Variants in PARD3B observed in about 807,000 individuals in gnomAD.
The protein encoded by PARD3B is partitioning defective 3 homolog B.
Under a neutral mutation model 130.2 loss-of-function variants are expected in PARD3B, and 103 were observed. That is an observed-to-expected ratio of 0.79 (90% CI 0.67 to 0.93). PARD3B has a LOEUF of 0.93. PARD3B is among the 40% of genes least tolerant of loss of function. PARD3B has a pLI of 0.00. For missense variants in PARD3B, 1,609 were observed against 1,499.2 expected (o/e 1.07, Z -1.21); for synonymous variants, 583 against 553.2 (o/e 1.05, Z -0.76).
Position 204,610,291 on chromosome 2 carries a change from T to A in PARD3B, c.120+64172T>A, listed in dbSNP as rs2033874750. ...ACTAAACAATTATTAAATCTGTTCT[T>A]CTTAATGTAATATGGCAAATATTTA... On this transcript the variant is annotated intron_variant, in intron 1 of 22. Coordinates refer to ENST00000406610, the MANE Select transcript of PARD3B (RefSeq NM_001302769.2). The surrounding 1 kb of genome is among the most constrained non-coding windows in gnomAD (Gnocchi z 4.1). Among the ~76,000 whole-genome samples, 1 of 152,326 alleles carries A rather than the reference T, an allele frequency of 6.6e-6. No individual in the cohort carries two copies. The highest frequency in any genetic ancestry group is 1.5e-5 in the Non-Finnish European group (1 of 68,026).
intron 3 of PARD3B, among the ~76,000 whole-genome samples, chr2:205,031,188 T>C (rs1278874198): frequency 2.0e-5 from 3 of 152,200 alleles, no homozygotes; most frequent in African/African-American, 7.2e-5. Context: ...CTGGCATATC[T>C]GAGAATTCAA....
intron 20 of PARD3B, among the ~76,000 whole-genome samples, chr2:205,468,126 T>G (rs1441937627): frequency 6.6e-6 from 1 of 152,188 alleles, no homozygotes; most frequent in Non-Finnish European, 1.5e-5. Context: ...TAGCTTAGCT[T>G]ACAAGGCTTC....
chr2:204,981,873 G>T (rs1249174077), intron 3 of PARD3B, among the ~76,000 whole-genome samples: 1 of 152,036 alleles, frequency 6.6e-6, no homozygotes, highest in Non-Finnish European at 1.5e-5. Context: ...GTGCAGATTG[G>T]TTAGAGGAGA....
At position 205,183,905 on chromosome 2, in the gene PARD3B, C is replaced by G. The variant is rs1335784061; in HGVS notation, c.1925-1859C>G. 1.3e-5 allele frequency among the ~76,000 whole-genome samples: 2 copies of G among 152,048 alleles called. No homozygotes were observed. Among genetic ancestry groups the G allele is most frequent in the African/African-American group, 4.8e-5 (2 of 41,392 alleles). On this transcript the variant is annotated intron_variant, in intron 13 of 22. Coordinates refer to ENST00000406610, the MANE Select transcript of PARD3B (RefSeq NM_001302769.2). This position sits in a 1 kb window ranked among gnomAD's most constrained non-coding sequence, Gnocchi z 5.2. The stretch of plus-strand genomic sequence containing the variant: ...CAGATTGAGTCTGAAGGCCGGAGAA[C>G]CAGAAAAGCTGGTGGCGTGGTTTCA...
chr2:205,468,140 T>C (rs906310214), intron 20 of PARD3B, among the ~76,000 whole-genome samples: 20 of 152,224 alleles, frequency 1.3e-4, no homozygotes, highest in African/African-American at 4.8e-4. Context: ...AGGCTTCTTT[T>C]TCCTTTAGAC....
rs1198167068 is a variant in PARD3B, at chr2:205,011,215, A to T, written c.395-36366A>T. 6.6e-6 allele frequency among the ~76,000 whole-genome samples: 1 copy of T among 152,210 alleles called. No homozygotes were observed. The highest frequency in any genetic ancestry group is 6.5e-5 in the Admixed American group (1 of 15,284). On this transcript the variant is annotated intron_variant, in intron 3 of 22. Transcript: ENST00000406610. This position sits in a 1 kb window ranked among gnomAD's most constrained non-coding sequence, Gnocchi z 4.1. ...AAATGACAAACATTTATTACCTCAT[A>T]CAGATGATTACTGTCAGGAATGCAG... is the stretch of plus-strand genomic sequence containing the variant.
At chr2:205,368,220 CAATACTGGTGGGA>C (rs1339095150) in intron 18 of PARD3B, among the ~76,000 whole-genome samples, 2 of 152,088 alleles carry the variant, frequency 1.3e-5, no homozygotes, top group Admixed American at 6.6e-5. Context: ...AAGGATATAC[CAATACTGGTGGGA>C]AATATGGTGT....
intron 21 of PARD3B, among the ~76,000 whole-genome samples, chr2:205,508,534 T>C (rs903803745): frequency 6.7e-6 from 1 of 149,740 alleles, no homozygotes; most frequent in Non-Finnish European, 1.5e-5. Flanking sequence ...ATCATGCCAC[T>C]GCATTCCAGC....
chr2:205,176,615 G>A lies in PARD3B; in HGVS notation c.1924+38G>A. The A allele has an allele frequency of 2.0e-6, 3 of 1,498,184 alleles. No homozygotes were observed. Among genetic ancestry groups the A allele is most frequent in the East Asian group, 2.5e-5 (1 of 40,704 alleles). The allele number at this position is 1,498,184 out of a possible 1,614,324, so 92.8% of individuals were successfully genotyped here. A position where few individuals can be genotyped will look rare whatever the true frequency, so the allele number is the denominator to read the frequency against. ...TCATTTTATCCACTGCAAATGGAGT[G>A]AGAAAACACAAAAGTGTCTTTTTAT... is the stretch of plus-strand genomic sequence containing the variant. On this transcript the variant is annotated intron_variant, in intron 13 of 22. Transcript: ENST00000406610. The surrounding 1 kb of genome is among the most constrained non-coding windows in gnomAD (Gnocchi z 5.3).
At chr2:204,930,199 T>C (rs1267058716) in intron 2 of PARD3B, among the ~76,000 whole-genome samples, 1 of 151,974 alleles carries the variant, frequency 6.6e-6, no homozygotes, top group Admixed American at 6.6e-5. Flanking sequence ...ATTTACATTC[T>C]ATGTTTTTTT....
intron 10 of PARD3B, among the ~76,000 whole-genome samples, chr2:205,129,931 G>C (rs970879185): frequency 6.6e-6 from 1 of 152,142 alleles, no homozygotes; most frequent in African/African-American, 2.4e-5. Flanking sequence ...CTATATTCTA[G>C]TTCGTGTCCT....
At chr2:204,843,662 A>G (rs1290071919) in intron 2 of PARD3B, among the ~76,000 whole-genome samples, 3 of 152,138 alleles carry the variant, frequency 2.0e-5, no homozygotes, top group African/African-American at 7.2e-5. Flanking sequence ...GATGTGAGCC[A>G]CCGCGCCCAG....
At chr2:204,569,399 C>G (rs1029114764) in intron 1 of PARD3B, among the ~76,000 whole-genome samples, 30 of 152,238 alleles carry the variant, frequency 2.0e-4, no homozygotes, top group Non-Finnish European at 4.3e-4. Flanking sequence ...ATGTTTAATA[C>G]TGTATGTAAA....
At chr2:204,695,021 AT>A (rs2125262112) in intron 2 of PARD3B, among the ~76,000 whole-genome samples, 1 of 152,180 alleles carries the variant, frequency 6.6e-6, no homozygotes, top group Admixed American at 6.6e-5. Context: ...TGTGTGTAAA[AT>A]TTTAAGTTTG....
At chr2:205,040,015 G>A (rs148619402) in intron 3 of PARD3B, among the ~76,000 whole-genome samples, 4,513 of 152,298 alleles carry the variant, frequency 0.03, 101 homozygotes, top group Middle Eastern at 0.068. Context: ...CGAGGCTGGA[G>A]TGCAGTGGCA....
At chr2:204,710,510 C>T (rs571914838) in intron 2 of PARD3B, among the ~76,000 whole-genome samples, 5 of 152,308 alleles carry the variant, frequency 3.3e-5, no homozygotes, top group African/African-American at 7.2e-5. Flanking sequence ...GTGAGGCATG[C>T]TCATGTGGTA....
chr2:204,711,440 G>C (rs1418148657), intron 2 of PARD3B, among the ~76,000 whole-genome samples: 1 of 152,168 alleles, frequency 6.6e-6, no homozygotes, highest in Non-Finnish European at 1.5e-5. Flanking sequence ...ATATCTAACA[G>C]CTACTAATAG....
At chr2:205,573,583 T>C (rs893905837) in intron 22 of PARD3B, among the ~76,000 whole-genome samples, 7 of 152,146 alleles carry the variant, frequency 4.6e-5, no homozygotes, top group Admixed American at 2.6e-4. Flanking sequence ...TTAAACTGAA[T>C]CCTTGGAAGA....
At chr2:205,353,575 A>G (rs2044070713) in intron 18 of PARD3B, among the ~76,000 whole-genome samples, 1 of 152,220 alleles carries the variant, frequency 6.6e-6, no homozygotes, top group African/African-American at 2.4e-5. Flanking sequence ...ATGCTTTGTC[A>G]AAGAAGTAAA....
Sources: gnomAD v4.1 joint callset for allele counts (sites outside exome capture counted in the v4.1 genomes callset) on GRCh38, gnomAD v4.1.1 for gene constraint, Gnocchi (gnomAD v3.1) non-coding constraint, MANE v1.5 for transcripts, NCBI Gene and HGNC (gene_info 2026-07-23, HGNC 2026-07-21) for gene names.